PREP: variants seen among roughly 807,000 people sequenced by gnomAD.
PREP encodes prolyl endopeptidase.
In PREP, 29 loss-of-function variants were observed where a neutral mutation model predicts 87.6. That is an observed-to-expected ratio of 0.33 (90% CI 0.25 to 0.45). PREP has a LOEUF of 0.45. Ranked by LOEUF, PREP falls within the 20% of genes least tolerant of loss-of-function variation. The pLI is 1.00. For synonymous variants in PREP, 337 were observed against 328.6 expected, an observed-to-expected ratio of 1.03 and a Z score of -0.28; for missense variants, 695 against 886.5, an observed-to-expected ratio of 0.78 and a Z score of 2.74.
rs547300355 is a variant in PREP at position 105,346,182 on chromosome 6, T to A, written c.823+6790A>T. ...TTTGCTTTTAGCACTCAGATGACTT[T>A]GCTAAGCTTTGGACAGCTCCTTTGC... On this transcript the variant is annotated intron_variant, in intron 7 of 14. Coordinates refer to ENST00000652536, the MANE Select transcript of PREP (RefSeq NM_002726.5). Among the ~76,000 whole-genome samples, 3 of 152,316 alleles carry A rather than the reference T, an allele frequency of 2.0e-5. No individual in the cohort carries two copies. In the South Asian group the frequency reaches 6.2e-4, roughly 32 times the overall value.
intron 2 of PREP, among the ~76,000 whole-genome samples, chr6:105,387,652 A>G (rs953702676): frequency 1.3e-5 from 2 of 151,968 alleles, no homozygotes; most frequent in Admixed American, 6.6e-5. Flanking sequence ...AGAAAAAGAA[A>G]GAAAAAGAAA....
At chr6:105,380,901 G>C (rs1307395482) in intron 2 of PREP, among the ~76,000 whole-genome samples, 1 of 152,188 alleles carries the variant, frequency 6.6e-6, no homozygotes, top group Non-Finnish European at 1.5e-5. Flanking sequence ...ATTTTCCTTG[G>C]AAAAGCAGAA....
At chr6:105,344,109 T>C (rs1244073117) in intron 7 of PREP, among the ~76,000 whole-genome samples, 2 of 152,126 alleles carry the variant, frequency 1.3e-5, no homozygotes, top group Admixed American at 1.3e-4. Flanking sequence ...TAGCAAAGAA[T>C]TGGAACCAAC....
chr6:105,277,930 G>A lies in PREP; in HGVS notation c.*214C>T. 1 of 677,614 alleles carries A rather than the reference G, an allele frequency of 1.5e-6. No homozygotes were observed. Among genetic ancestry groups the A allele is most frequent in the African/African-American group, 1.8e-5 (1 of 55,606 alleles). 42.0% of individuals were successfully genotyped at this position (677,614 alleles called of 1,614,324 possible). A position where few individuals can be genotyped will look rare whatever the true frequency, so the allele number is the denominator to read the frequency against. On this transcript the variant is annotated 3_prime_UTR_variant, in exon 15 of 15. Transcript: ENST00000652536. ...AAAAAAACACCAAAAAACCACATGT[G>A]CCTAGACAGGGTGGAAAAAGAAACA...
At chr6:105,328,095 T>C (rs1026336796) in intron 9 of PREP, among the ~76,000 whole-genome samples, 3 of 152,224 alleles carry the variant, frequency 2.0e-5, no homozygotes, top group Non-Finnish European at 4.4e-5. Flanking sequence ...GACTATACTT[T>C]TAGAATTACA....
In PREP at chr6:105,278,856, T is replaced by C. The variant is rs1012941768; in HGVS notation, c.1839-418A>G. On this transcript the variant is annotated intron_variant, in intron 14 of 14. Coordinates refer to ENST00000652536, the MANE Select transcript of PREP (RefSeq NM_002726.5). This position sits in a 1 kb window ranked among gnomAD's most constrained non-coding sequence, Gnocchi z 4.2. ...GTTGAGAAACTTGAAATCCACAGTA[T>C]AAAGGGGCTTGCTGCCCCTTTAATA... Among the ~76,000 whole-genome samples, 4 of 152,352 alleles carry C rather than the reference T, an allele frequency of 2.6e-5. No individual in the cohort carries two copies. The highest frequency in any genetic ancestry group is 2.1e-4 in the South Asian group (1 of 4,826).
At chr6:105,317,602 G>C (rs1000034223) in intron 10 of PREP, among the ~76,000 whole-genome samples, 5 of 152,156 alleles carry the variant, frequency 3.3e-5, no homozygotes, top group Non-Finnish European at 7.4e-5. Flanking sequence ...CCTTTCTGTA[G>C]GTGGGTTCGT....
chr6:105,344,695 G>A (rs184626549), intron 7 of PREP, among the ~76,000 whole-genome samples: 10 of 152,200 alleles, frequency 6.6e-5, no homozygotes, highest in Non-Finnish European at 1.2e-4. Flanking sequence ...TGGGGGAGGC[G>A]GGAGGGAGAG....
intron 2 of PREP, among the ~76,000 whole-genome samples, chr6:105,394,129 A>C (rs908251401): frequency 6.6e-6 from 1 of 152,200 alleles, no homozygotes; most frequent in African/African-American, 2.4e-5. Flanking sequence ...GAATTTTATC[A>C]CAGGAATTCA....
chr6:105,352,172 A>G (rs1357646645), intron 7 of PREP, among the ~76,000 whole-genome samples: 2 of 152,202 alleles, frequency 1.3e-5, no homozygotes, highest in Non-Finnish European at 2.9e-5. Flanking sequence ...TAACTAGAAG[A>G]TAATGTAATT....
intron 4 of PREP, 85 bp from the exon 5 acceptor site, chr6:105,373,663 C>T (rs1383373822): frequency 3.1e-6 from 4 of 1,292,932 alleles, no homozygotes; most frequent in Non-Finnish European, 4.3e-6. Flanking sequence ...AGCTCTCTTT[C>T]ATAACACGGA....
chr6:105,357,565 C>T (rs1487500429), intron 6 of PREP, among the ~76,000 whole-genome samples: 1 of 152,170 alleles, frequency 6.6e-6, no homozygotes, highest in African/African-American at 2.4e-5. Context: ...CTGAAAACAA[C>T]GTTGCATTTT....
At chr6:105,392,325 C>A (rs542054246) in intron 2 of PREP, among the ~76,000 whole-genome samples, 32 of 151,952 alleles carry the variant, frequency 2.1e-4, no homozygotes, top group African/African-American at 5.3e-4. Flanking sequence ...GGCGTGAGCC[C>A]CCACGCCTGG....
intron 2 of PREP, among the ~76,000 whole-genome samples, chr6:105,392,317 C>T (rs576255852): frequency 3.9e-5 from 6 of 152,122 alleles, no homozygotes; most frequent in African/African-American, 1.2e-4. Context: ...GGATTACAGG[C>T]GTGAGCCCCC....
At position 105,402,965 on chromosome 6, in the gene PREP, G is replaced by C. The variant is rs1430346921; in HGVS notation, c.-74C>G. The C allele has an allele frequency of 1.2e-6, 1 of 836,480 alleles. No individual in the cohort carries two copies. Among genetic ancestry groups the C allele is most frequent in the Non-Finnish European group, 1.6e-6 (1 of 607,246 alleles). 51.8% of individuals were successfully genotyped at this position (836,480 alleles called of 1,614,324 possible). On this transcript the variant is annotated 5_prime_UTR_variant, in exon 1 of 15. Coordinates refer to ENST00000652536, the MANE Select transcript of PREP (RefSeq NM_002726.5). ...CGGACCTGAGCTAGCCGGGCTGGCC[G>C]CGAGGCGCGGCTGGGGCGCAGGCAG...
intron 10 of PREP, among the ~76,000 whole-genome samples, chr6:105,293,629 T>C (rs972338400): frequency 3.9e-5 from 6 of 152,104 alleles, no homozygotes; most frequent in Non-Finnish European, 8.8e-5. Flanking sequence ...ATGCAATTAT[T>C]TGTGAAGCTC....
intron 4 of PREP, 51 bp from the exon 5 acceptor site, chr6:105,373,629 A>G (rs775253778): frequency 8.5e-6 from 13 of 1,521,610 alleles, no homozygotes; most frequent in Admixed American, 7.1e-5. Flanking sequence ...ACACAACTCC[A>G]CGGTCCTTTA....
rs767215485 is a variant in PREP, at chr6:105,373,388, T to C, written c.576A>G (p.Gln192=). 1.9e-6 allele frequency: 3 copies of C among 1,614,186 alleles called. No individual in the cohort carries two copies. The change falls in exon 5 of 15, where the codon CAA becomes CAG. Residue 192 remains glutamine (Q), a synonymous_variant. Transcript: ENST00000652536. ...GKGMFYNSYP[Q]QDGKSDGTET... ...ACTCACCATCACTTTTTCCATCCTG[T>C]TGAGGGTATGAGTTGTAGAACATTC...
At chr6:105,358,588 A>T (rs1772161674) in intron 6 of PREP, among the ~76,000 whole-genome samples, 1 of 152,058 alleles carries the variant, frequency 6.6e-6, no homozygotes, top group African/African-American at 2.4e-5. Flanking sequence ...GGAGGTTATT[A>T]AAAAAACAGC....
Sources: allele counts gnomAD v4.1 joint callset (sites outside exome capture counted in the v4.1 genomes callset), GRCh38; gene constraint gnomAD v4.1.1; non-coding constraint Gnocchi (gnomAD v3.1); transcripts MANE v1.5; gene names NCBI Gene and HGNC (gene_info 2026-07-23, HGNC 2026-07-21).